The following TSPOAP1 variants were observed in gnomAD, a reference collection of about 807,000 sequenced individuals.
TSPOAP1 encodes peripheral-type benzodiazepine receptor-associated protein 1.
A neutral mutation model predicts 197.0 loss-of-function variants in TSPOAP1; 87 were observed. The ratio of observed to expected loss-of-function variants is 0.44; its 90% CI spans 0.37 to 0.53. The LOEUF (loss-of-function observed/expected upper bound fraction) is 0.53. TSPOAP1 is among the 20% of genes least tolerant of loss of function. The probability of loss-of-function intolerance (pLI) is 0.00; values close to 1 mark genes in which losing one functional copy is unlikely to be tolerated. For synonymous variants in TSPOAP1, 913 were observed against 998.9 expected (o/e 0.91, Z 1.62); for missense variants, 2,174 against 2,411.3 (o/e 0.90, Z 2.06).
In TSPOAP1 at chr17:58,309,455, G is replaced by A. The variant is rs185575625; in HGVS notation, c.3892-75C>T. On this transcript the variant is annotated intron_variant, in intron 21 of 31. Coordinates refer to ENST00000343736, the MANE Select transcript of TSPOAP1 (RefSeq NM_004758.4). This position sits in a 1 kb window ranked among gnomAD's most constrained non-coding sequence, Gnocchi z 5.0. ...CGTGGGGAAGAGGAGAGCGAGCTGCGATCTTTGCCCTCAAACGAAGGCAGG... is the reference window on the plus strand; with the variant it reads ...CGTGGGGAAGAGGAGAGCGAGCTGCAATCTTTGCCCTCAAACGAAGGCAGG... 3.3e-4 allele frequency: 494 copies of A among 1,514,564 alleles called. 1 individual carries two copies. The African/African-American group carries it at 6.0e-3, about 18-fold the overall frequency. The allele number at this position is 1,514,564 out of a possible 1,614,324, so 93.8% of individuals were successfully genotyped here.
chr17:58,327,586 ACCTTC>A lies in TSPOAP1; in HGVS notation c.330_333+1del. Reference sequence around the variant, plus strand: ...GACCCCAGCCCTCCACAGATCCCTTACCTTCAGGAAAGCCTCCACTTCCTCATCCT... The same window carrying A: ...GACCCCAGCCCTCCACAGATCCCTTAAGGAAAGCCTCCACTTCCTCATCCT... On this transcript the variant is annotated splice_donor_variant and coding_sequence_variant, in exon 1 of 32. Coordinates refer to ENST00000343736, the MANE Select transcript of TSPOAP1 (RefSeq NM_004758.4). LOFTEE classifies it high-confidence loss of function. 6.2e-7 allele frequency: 1 copy of A among 1,610,408 alleles called. No homozygotes were observed. Among genetic ancestry groups the A allele is most frequent in the Non-Finnish European group, 8.5e-7 (1 of 1,177,944 alleles).
intron 22 of TSPOAP1, among the ~76,000 whole-genome samples, chr17:58,308,259 C>T (rs959768704): frequency 2.0e-5 from 3 of 152,380 alleles, no homozygotes; most frequent in South Asian, 2.1e-4. Context: ...TCACAGTCAG[C>T]GTCCTGAAGC....
chr17:58,311,071 G>A lies in TSPOAP1; in HGVS notation c.3224C>T (p.Thr1075Ile), dbSNP rs754128119. ...CAGGCTGGCCGGAGCCAGGGCGGGAGTGATAGGAGCCGGGATGGAGTCCGC... is the reference window on the plus strand; with the variant it reads ...CAGGCTGGCCGGAGCCAGGGCGGGAATGATAGGAGCCGGGATGGAGTCCGC... Reference protein sequence around the residue: ...ESADSIPAPITPALAPASLPA... With the variant: ...ESADSIPAPIIPALAPASLPA... Residue 1075 changes from threonine to isoleucine, a missense_variant, in exon 19 of 32, where the codon ACT (threonine) becomes ATT (isoleucine). Physicochemically the swap from Thr to Ile is moderately conservative, Grantham distance 89. Around this residue, in one of 5 missense-constraint regions of TSPOAP1, gnomAD observed 1,933 missense variants for 2,139.0 expected, o/e 0.90. Coordinates refer to ENST00000343736, the MANE Select transcript of TSPOAP1 (RefSeq NM_004758.4). 4 of 1,579,750 alleles carry A rather than the reference G, an allele frequency of 2.5e-6. No homozygotes were observed. Among genetic ancestry groups the A allele is most frequent in the African/African-American group, 1.3e-5 (1 of 74,142 alleles).
At chr17:58,313,735 C>T (rs1392523811) in intron 16 of TSPOAP1, among the ~76,000 whole-genome samples, 2 of 152,080 alleles carry the variant, frequency 1.3e-5, no homozygotes, top group African/African-American at 2.4e-5. Flanking sequence ...ACAACCAACT[C>T]AGCAGGGTAA....
chr17:58,308,070 C>T, intron 22 of TSPOAP1, 129 bp from the exon 23 acceptor site: 1 of 1,002,928 alleles, frequency 1.0e-6, no homozygotes, highest in Non-Finnish European at 1.4e-6. Flanking sequence ...TCTCCCGGAG[C>T]CTCGGCCCAG....
At position 58,322,788 on chromosome 17, in the gene TSPOAP1, G is replaced by A; in HGVS notation, c.1195-12C>T. 2 of 1,612,210 alleles carry A rather than the reference G, an allele frequency of 1.2e-6. No individual in the cohort carries two copies. Among genetic ancestry groups the A allele is most frequent in the Non-Finnish European group, 8.5e-7 (1 of 1,179,790 alleles). On this transcript the variant is annotated splice_polypyrimidine_tract_variant and intron_variant, in intron 8 of 31. Transcript: ENST00000343736. The surrounding 1 kb of genome is among the most constrained non-coding windows in gnomAD (Gnocchi z 5.0). Reference sequence around the variant, plus strand: ...TTCTCCCACTCCACCTGGCGAGGGGGCAGTGACAGGGAGTTGGGTGGGTGA... The same window carrying A: ...TTCTCCCACTCCACCTGGCGAGGGGACAGTGACAGGGAGTTGGGTGGGTGA...
intron 14 of TSPOAP1, among the ~76,000 whole-genome samples, chr17:58,316,912 A>C (rs2143080090): frequency 6.6e-6 from 1 of 152,350 alleles, no homozygotes; most frequent in East Asian, 1.9e-4. Context: ...AACTCAGCAA[A>C]GTTGCCAGGT....
chr17:58,323,634 C>T (rs1971468306), intron 5 of TSPOAP1, 89 bp from the exon 6 acceptor site: 5 of 1,372,496 alleles, frequency 3.6e-6, no homozygotes, highest in African/African-American at 2.9e-5. Flanking sequence ...AGCAGGTTCC[C>T]ACCCCATCAT....
rs780492651 is a variant in TSPOAP1, at chr17:58,311,032, G to A, written c.3263C>T (p.Ser1088Phe). The A allele has an allele frequency of 1.1e-5, 17 of 1,590,562 alleles. No homozygotes were observed. The highest frequency in any genetic ancestry group is 2.3e-5 in the East Asian group (1 of 43,930). The change falls in exon 19 of 32, where the codon TCC becomes TTC. Residue 1088 changes from serine (S) to phenylalanine (F), a missense_variant. By Grantham distance (155) the Ser-to-Phe change is radical (BLOSUM62 -2). This residue lies in a region of TSPOAP1 where 1,933 missense variants were observed against 2,139.0 expected (regional missense o/e 0.90). Coordinates refer to ENST00000343736, the MANE Select transcript of TSPOAP1 (RefSeq NM_004758.4). Reference protein sequence around the residue: ...LAPASLPARVSCPSPHPSPEA... With the variant: ...LAPASLPARVFCPSPHPSPEA... The stretch of plus-strand genomic sequence containing the variant: ...TGGGCTTGGGTGCGGTGAGGGGCAG[G>A]AGACTCGGGCTGGCAGGCTGGCCGG...
In TSPOAP1 at chr17:58,302,066, G is replaced by T; in HGVS notation, c.*414C>A. The T allele has an allele frequency of 2.7e-6, 1 of 373,010 alleles. No homozygotes were observed. Among genetic ancestry groups the T allele is most frequent in the Non-Finnish European group, 4.8e-6 (1 of 206,624 alleles). The allele number at this position is 373,010 out of a possible 1,614,324, so 23.1% of individuals were successfully genotyped here. A position where few individuals can be genotyped will look rare whatever the true frequency, so the allele number is the denominator to read the frequency against. Reference sequence around the variant, plus strand: ...GGCTCAGTTTCCCCTCCTGTAGGAGGAAGGTGCTTCTCTAGAGAGTTCATC... The same window carrying T: ...GGCTCAGTTTCCCCTCCTGTAGGAGTAAGGTGCTTCTCTAGAGAGTTCATC... On this transcript the variant is annotated 3_prime_UTR_variant, in exon 32 of 32. Transcript: ENST00000343736.
At chr17:58,317,369 T>G (rs534744077) in intron 14 of TSPOAP1, among the ~76,000 whole-genome samples, 3 of 152,252 alleles carry the variant, frequency 2.0e-5, no homozygotes, top group African/African-American at 7.2e-5. Context: ...ACTCAGAACT[T>G]CCCGTCTACT....
chr17:58,302,236 G>T lies in TSPOAP1; in HGVS notation c.*244C>A. ...AGACAGTGATCTGGGGGCCTCTCAG[G>T]GCCTCTTCTGCCTGCAGGATGGGCC... On this transcript the variant is annotated 3_prime_UTR_variant, in exon 32 of 32. Transcript: ENST00000343736. 1 of 1,288,380 alleles carries T rather than the reference G, an allele frequency of 7.8e-7. No individual in the cohort carries two copies. Among genetic ancestry groups the T allele is most frequent in the Non-Finnish European group, 1.0e-6 (1 of 988,186 alleles). 79.8% of individuals were successfully genotyped at this position (1,288,380 alleles called of 1,614,324 possible). A position where few individuals can be genotyped will look rare whatever the true frequency, so the allele number is the denominator to read the frequency against.
At position 58,304,702 on chromosome 17, in the gene TSPOAP1, C is replaced by A; in HGVS notation, c.5545-303G>T. The A allele has an allele frequency of 1.8e-6, 1 of 567,770 alleles. No homozygotes were observed. 35.2% of individuals were successfully genotyped at this position (567,770 alleles called of 1,614,324 possible). A position where few individuals can be genotyped will look rare whatever the true frequency, so the allele number is the denominator to read the frequency against. ...CAAAGGCACCTGGGAGGTATGGAGA[C>A]CACCCCCAGGGTGGGAGTGTCCTGA... On this transcript the variant is annotated intron_variant, in intron 30 of 31. Coordinates refer to ENST00000343736, the MANE Select transcript of TSPOAP1 (RefSeq NM_004758.4). This position sits in a 1 kb window ranked among gnomAD's most constrained non-coding sequence, Gnocchi z 4.2.
intron 25 of TSPOAP1, 157 bp from the exon 26 acceptor site, chr17:58,306,570 G>T: frequency 1.1e-6 from 1 of 936,528 alleles, no homozygotes; most frequent in Non-Finnish European, 1.6e-6. Context: ...CAACCTCCAG[G>T]ACCCAAAATT....
chr17:58,314,820 G>A (rs562244498), intron 16 of TSPOAP1, among the ~76,000 whole-genome samples: 41 of 152,360 alleles, frequency 2.7e-4, no homozygotes, highest in African/African-American at 8.4e-4. Flanking sequence ...AGCCTGGGCC[G>A]GAGTCAGGCA....
In TSPOAP1 at chr17:58,326,485, C is replaced by T; in HGVS notation, c.442-64G>A. The T allele has an allele frequency of 6.3e-7, 1 of 1,595,090 alleles. No individual in the cohort carries two copies. The highest frequency in any genetic ancestry group is 8.5e-7 in the Non-Finnish European group (1 of 1,170,442). ...CACCCCACAGACCCAGTCCTAACAG[C>T]CCAAGTCTTGGGCTAGAGCCCTAGG... is the stretch of plus-strand genomic sequence containing the variant. On this transcript the variant is annotated intron_variant, in intron 2 of 31. Transcript: ENST00000343736. The surrounding 1 kb of genome is among the most constrained non-coding windows in gnomAD (Gnocchi z 4.7).
rs1217435982 is a variant in TSPOAP1, at chr17:58,304,565, C to T, written c.5545-166G>A. The stretch of plus-strand genomic sequence containing the variant: ...GGCTGGGGCTTGGCCTCTTCACCCT[C>T]TCTCCCTGCCCTCTGAGAGTGGAGG... On this transcript the variant is annotated intron_variant, in intron 30 of 31. Transcript: ENST00000343736. The surrounding 1 kb of genome is among the most constrained non-coding windows in gnomAD (Gnocchi z 4.2). 4.7e-6 allele frequency: 3 copies of T among 639,434 alleles called. No individual in the cohort carries two copies. Among genetic ancestry groups the T allele is most frequent in the African/African-American group, 3.6e-5 (2 of 54,894 alleles). 39.6% of individuals were successfully genotyped at this position (639,434 alleles called of 1,614,324 possible).
intron 27 of TSPOAP1, 60 bp from the exon 28 acceptor site, chr17:58,305,703 C>T: frequency 7.1e-7 from 1 of 1,402,512 alleles, no homozygotes; most frequent in Non-Finnish European, 9.9e-7. Context: ...CCCATCCTGT[C>T]TTCTGCCCCG....
chr17:58,307,038 A>C, intron 24 of TSPOAP1, 70 bp from the exon 25 acceptor site: 4 of 1,494,142 alleles, frequency 2.7e-6, no homozygotes, highest in Non-Finnish European at 3.6e-6. Context: ...GAACCCCAGC[A>C]ACACCCCACT....
Sources: allele counts gnomAD v4.1 joint callset (sites outside exome capture counted in the v4.1 genomes callset), GRCh38; gene constraint gnomAD v4.1.1; regional missense constraint gnomAD v4.1.1; non-coding constraint Gnocchi (gnomAD v3.1); transcripts MANE v1.5; gene names NCBI Gene and HGNC (gene_info 2026-07-23, HGNC 2026-07-21).